LMF1: variants seen among roughly 807,000 people sequenced by gnomAD.
LMF1 encodes the protein transmembrane protein 112.
A neutral mutation model predicts 60.6 loss-of-function variants in LMF1; 68 were observed. That is an observed-to-expected ratio of 1.12 (90% CI 0.92 to 1.37). The LOEUF is 1.37. Among genes scored for constraint, LMF1 ranks in the 40% most tolerant of loss-of-function variants. The pLI is 0.00. For missense variants in LMF1, 948 were observed against 767.2 expected (o/e 1.24, Z -2.78); for synonymous variants, 418 against 324.7 (o/e 1.29, Z -3.09).
chr16:921,731 C>T (rs1030232550), intron 3 of LMF1, among the ~76,000 whole-genome samples: 6 of 152,112 alleles, frequency 3.9e-5, no homozygotes, highest in East Asian at 3.9e-4. Context: ...GAAGCACCGA[C>T]GCAGGGACGG....
At chr16:966,422 A>T (rs1281310548) in intron 1 of LMF1, among the ~76,000 whole-genome samples, 1 of 152,186 alleles carries the variant, frequency 6.6e-6, no homozygotes, top group African/African-American at 2.4e-5. Context: ...CGACAGACGA[A>T]ATCCCTCAGG....
At chr16:856,839 A>G (rs1242193975) in intron 10 of LMF1, among the ~76,000 whole-genome samples, 2 of 152,098 alleles carry the variant, frequency 1.3e-5, no homozygotes, top group Admixed American at 6.5e-5. Context: ...CTTTTGAAAT[A>G]GACCCTACTG....
At position 921,729 on chromosome 16, in the gene LMF1, G is replaced by A. The variant is rs150365769; in HGVS notation, c.515-10650C>T. Among the ~76,000 whole-genome samples, 133 of 152,288 alleles carry A rather than the reference G, an allele frequency of 8.7e-4. 4 individuals are homozygous for A. In the East Asian group the frequency reaches 0.023, roughly 27 times the overall value. ...CCACCCTGATGTGCGCTGAAGCACC[G>A]ACGCAGGGACGGGGGACACGGGCGA... On this transcript the variant is annotated intron_variant, in intron 3 of 10. Coordinates refer to ENST00000262301, the MANE Select transcript of LMF1 (RefSeq NM_022773.4).
chr16:898,777 A>T (rs12919913), intron 4 of LMF1, among the ~76,000 whole-genome samples: 7 of 152,104 alleles, frequency 4.6e-5, no homozygotes, highest in African/African-American at 1.7e-4. Flanking sequence ...CCTAGTCACC[A>T]TACCATGTAA....
intron 3 of LMF1, among the ~76,000 whole-genome samples, chr16:921,752 C>A (rs1237680276): frequency 1.3e-5 from 2 of 152,244 alleles, no homozygotes; most frequent in African/African-American, 4.8e-5. Context: ...GGGACACGGG[C>A]GAGGAGACCC....
At chr16:945,782 G>A (rs948756156) in intron 2 of LMF1, among the ~76,000 whole-genome samples, 3 of 152,092 alleles carry the variant, frequency 2.0e-5, no homozygotes, top group South Asian at 2.1e-4. Flanking sequence ...CACATGTTAC[G>A]TGGCTTCAAG....
chr16:916,315 C>T (rs375098551), intron 3 of LMF1, among the ~76,000 whole-genome samples: 4 of 152,186 alleles, frequency 2.6e-5, no homozygotes, highest in East Asian at 3.9e-4. Flanking sequence ...AAATCGGGGA[C>T]GAGGGAGCAA....
At chr16:914,568 CCTCT>C (rs2071220466) in intron 3 of LMF1, among the ~76,000 whole-genome samples, 3 of 93,776 alleles carry the variant, frequency 3.2e-5, no homozygotes, top group Non-Finnish European at 4.9e-5. Context: ...TGACACACTC[CCTCT>C]TTCCCTCCCT....
chr16:862,049 G>T (rs2069481524), intron 10 of LMF1, among the ~76,000 whole-genome samples: 1 of 152,164 alleles, frequency 6.6e-6, no homozygotes, highest in Non-Finnish European at 1.5e-5. Flanking sequence ...AGTTATCTTC[G>T]GTAGCTGGTA....
chr16:943,279 G>A (rs1597043238), intron 2 of LMF1, among the ~76,000 whole-genome samples: 1 of 151,348 alleles, frequency 6.6e-6, no homozygotes, highest in East Asian at 1.9e-4. Context: ...GCTGAGGCAG[G>A]AGAATGGAGT....
rs997557365 is a variant in LMF1, at chr16:922,025, C to G, written c.515-10946G>C. Among the ~76,000 whole-genome samples the G allele has an allele frequency of 3.5e-4, 53 of 152,250 alleles. 1 individual carries two copies. The highest frequency in any genetic ancestry group is 1.3e-3 in the African/African-American group (53 of 41,538). On this transcript the variant is annotated intron_variant, in intron 3 of 10. Transcript: ENST00000262301. Reference sequence around the variant, plus strand: ...GTGGGCCTGGAAACCAGCGTTCCCCCACAGCTGAGGAGTAAGGGGAGAGAA... The same window carrying G: ...GTGGGCCTGGAAACCAGCGTTCCCCGACAGCTGAGGAGTAAGGGGAGAGAA...
At chr16:906,658 C>T (rs143946682) in intron 4 of LMF1, among the ~76,000 whole-genome samples, 2 of 152,106 alleles carry the variant, frequency 1.3e-5, no homozygotes. Context: ...TTCTGTCCCT[C>T]GAGGGAACCC....
chr16:955,699 A>C (rs1280965002), intron 1 of LMF1, among the ~76,000 whole-genome samples: 1 of 152,258 alleles, frequency 6.6e-6, no homozygotes. Flanking sequence ...ATACACGCAC[A>C]CACATAGAAG....
intron 3 of LMF1, among the ~76,000 whole-genome samples, chr16:932,015 C>T (rs377104213): frequency 9.8e-5 from 15 of 152,358 alleles, no homozygotes; most frequent in South Asian, 4.1e-4. Flanking sequence ...CCCCCGACGG[C>T]GGCCACACAG....
rs150561865 is a variant in LMF1, at chr16:910,354, C to T, written c.663+577G>A. ...AGGAGGGAACCCGCCACCCCCACCCCGGGGCTCAGCAGGGAACCTGGACAG... is the reference window on the plus strand; with the variant it reads ...AGGAGGGAACCCGCCACCCCCACCCTGGGGCTCAGCAGGGAACCTGGACAG... On this transcript the variant is annotated intron_variant, in intron 4 of 10. Coordinates refer to ENST00000262301, the MANE Select transcript of LMF1 (RefSeq NM_022773.4). Among the ~76,000 whole-genome samples the T allele has an allele frequency of 7.6e-4, 115 of 152,298 alleles. 1 individual carries two copies. Among genetic ancestry groups the T allele is most frequent in the South Asian group, 2.7e-3 (13 of 4,822 alleles).
At chr16:863,974 C>T (rs932627753) in intron 10 of LMF1, among the ~76,000 whole-genome samples, 1 of 152,228 alleles carries the variant, frequency 6.6e-6, no homozygotes, top group Non-Finnish European at 1.5e-5. Context: ...CCCTGCCTGT[C>T]GATGATGGTG....
chr16:967,302 C>T (rs961832477), intron 1 of LMF1, among the ~76,000 whole-genome samples: 1 of 152,254 alleles, frequency 6.6e-6, no homozygotes, highest in Non-Finnish European at 1.5e-5. Context: ...GGGCCTCAAT[C>T]TTCCGCAGGG....
At chr16:944,930 G>C (rs1451786483) in intron 2 of LMF1, among the ~76,000 whole-genome samples, 1 of 152,046 alleles carries the variant, frequency 6.6e-6, no homozygotes, top group East Asian at 1.9e-4. Flanking sequence ...AAAAAAATAG[G>C]GGGCTGGGCA....
intron 2 of LMF1, among the ~76,000 whole-genome samples, chr16:942,861 C>T (rs2072140379): frequency 6.6e-6 from 1 of 152,260 alleles, no homozygotes; most frequent in African/African-American, 2.4e-5. Flanking sequence ...GTATGTTAGA[C>T]CACCTGGTGC....
Sources: gnomAD v4.1 joint callset for allele counts (sites outside exome capture counted in the v4.1 genomes callset) on GRCh38, gnomAD v4.1.1 for gene constraint, MANE v1.5 for transcripts, NCBI Gene and HGNC (gene_info 2026-07-23, HGNC 2026-07-21) for gene names.